The following ZNF124 variants were observed in gnomAD, a reference collection of about 807,000 sequenced individuals.
ZNF124 encodes the protein zinc finger protein HZF-16.
ZNF124 carries 25 observed loss-of-function variants against 26.6 expected under a neutral mutation model. The ratio of observed to expected loss-of-function variants is 0.94; its 90% CI spans 0.68 to 1.31. ZNF124 has a LOEUF of 1.31. Among genes scored for constraint, ZNF124 ranks in the 40% most tolerant of loss-of-function variants. ZNF124 has a pLI of 0.00. For missense variants in ZNF124, 444 were observed against 422.2 expected (o/e 1.05, Z -0.45); for synonymous variants, 129 against 133.3 (o/e 0.97, Z 0.22).
In ZNF124 at chr1:247,156,754, AG is replaced by A; in HGVS notation, c.867del (p.Tyr290MetfsTer80). The A allele has an allele frequency of 1.2e-6, 2 of 1,613,126 alleles. No individual in the cohort carries two copies. ...KHEKTHIAQKPYVCNNCGKGF... is the reference protein window; with the variant it reads ...KHEKTHIAQKXYVCNNCGKGF... Reference sequence around the variant, plus strand: ...CCTTTACCACAATTGTTACATACATAGGGTTTCTGTGCAATATGAGTTTTCT... The same window carrying A: ...CCTTTACCACAATTGTTACATACATAGGTTTCTGTGCAATATGAGTTTTCT... On this transcript the variant is annotated frameshift_variant, in exon 4 of 4. Coordinates refer to ENST00000543802, the MANE Select transcript of ZNF124 (RefSeq NM_001297568.2). LOFTEE classifies it high-confidence loss of function.
chr1:247,135,045 CCAATGAGAA>C (rs1672450774), intron 3 of ZNF124, among the ~76,000 whole-genome samples: 1 of 152,118 alleles, frequency 6.6e-6, no homozygotes, highest in East Asian at 1.9e-4. Flanking sequence ...TTCTTTGAAA[CCAATGAGAA>C]CAAAGAGACA....
At chr1:247,138,549 C>T in intron 3 of ZNF124, 1 of 378,650 alleles carries the variant, frequency 2.6e-6, no homozygotes, top group Non-Finnish European at 4.7e-6. Context: ...ACCCATGTAA[C>T]AAACTCACAT....
chr1:247,123,544 G>A (rs957279388), exon 4 of ZNF124: 5 of 324,086 alleles, frequency 1.5e-5, no homozygotes, highest in African/African-American at 6.4e-5. Flanking sequence ...CACACGTATC[G>A]AACATTGGTT....
At chr1:247,152,322 T>C (rs1672970148), downstream of ZNF124, among the ~76,000 whole-genome samples, 2 of 149,640 alleles carry the variant, frequency 1.3e-5, no homozygotes, top group South Asian at 2.1e-4. Flanking sequence ...TAAATAAATA[T>C]AATAAATAAC....
At chr1:247,135,334 T>TA (rs1672456233) in intron 3 of ZNF124, among the ~76,000 whole-genome samples, 2 of 151,648 alleles carry the variant, frequency 1.3e-5, no homozygotes, top group African/African-American at 4.8e-5. Flanking sequence ...AAAGATACAA[T>TA]AAAAAATGAT....
At chr1:247,162,514 G>C (rs758080643) in intron 1 of ZNF124, among the ~76,000 whole-genome samples, 1 of 150,320 alleles carries the variant, frequency 6.7e-6, no homozygotes, top group Non-Finnish European at 1.5e-5. Context: ...CTAGGTTTGC[G>C]TAAGTACACG....
At chr1:247,150,187 G>A (rs1318312373), downstream of ZNF124, among the ~76,000 whole-genome samples, 1 of 152,184 alleles carries the variant, frequency 6.6e-6, no homozygotes, top group Non-Finnish European at 1.5e-5. Context: ...ACCACACAAT[G>A]TGTATTTGGA....
At chr1:247,125,106 AT>A (rs141434247) in intron 3 of ZNF124, among the ~76,000 whole-genome samples, 14 of 152,224 alleles carry the variant, frequency 9.2e-5, no homozygotes, top group Non-Finnish European at 1.8e-4. Context: ...CCCGGCCTTC[AT>A]TCCTTCTTAT....
intron 3 of ZNF124, among the ~76,000 whole-genome samples, chr1:247,130,289 G>GT (rs1483048706): frequency 1.3e-5 from 2 of 152,180 alleles, no homozygotes; most frequent in Non-Finnish European, 2.9e-5. Context: ...AGGGAGTGTA[G>GT]TAAGTTTCAC....
intron 3 of ZNF124, among the ~76,000 whole-genome samples, chr1:247,128,206 A>T (rs1306958013): frequency 6.6e-6 from 1 of 152,076 alleles, no homozygotes; most frequent in Non-Finnish European, 1.5e-5. Context: ...GTTTCTGAAC[A>T]TTCCTTGTGA....
At chr1:247,141,165 GGGGAGT>G (rs1407303638) in intron 3 of ZNF124, among the ~76,000 whole-genome samples, 3 of 152,118 alleles carry the variant, frequency 2.0e-5, no homozygotes, top group African/African-American at 7.2e-5. Context: ...TGACAAGCAG[GGGGAGT>G]GGGTGGAACC....
At chr1:247,162,774 A>G (rs1204992410) in intron 1 of ZNF124, among the ~76,000 whole-genome samples, 1 of 152,180 alleles carries the variant, frequency 6.6e-6, no homozygotes, top group Non-Finnish European at 1.5e-5. Flanking sequence ...CCAACACAAG[A>G]GCACTCAGAT....
At chr1:247,141,963 T>C (rs1275206648) in intron 3 of ZNF124, among the ~76,000 whole-genome samples, 3 of 152,210 alleles carry the variant, frequency 2.0e-5, no homozygotes, top group Admixed American at 2.0e-4. Flanking sequence ...GCCTCTGTGC[T>C]GCAGTGCAGA....
At chr1:247,136,963 A>G (rs1359526161) in intron 3 of ZNF124, among the ~76,000 whole-genome samples, 1 of 151,686 alleles carries the variant, frequency 6.6e-6, no homozygotes, top group Non-Finnish European at 1.5e-5. Context: ...AAAAAAAATT[A>G]TATGGAGTCA....
chr1:247,152,246 G>A (rs1672967551), downstream of ZNF124, among the ~76,000 whole-genome samples: 1 of 151,190 alleles, frequency 6.6e-6, no homozygotes, highest in East Asian at 1.9e-4. Context: ...TAAGTTGCTT[G>A]ACACTGCGAC....
At chr1:247,147,665 T>C (rs974626253) in intron 3 of ZNF124, among the ~76,000 whole-genome samples, 3 of 152,196 alleles carry the variant, frequency 2.0e-5, no homozygotes, top group African/African-American at 7.2e-5. Flanking sequence ...ACATTTTGCA[T>C]ATCAGAGTGT....
At chr1:247,148,864 G>A (rs1672854338) in intron 3 of ZNF124, among the ~76,000 whole-genome samples, 1 of 152,104 alleles carries the variant, frequency 6.6e-6, no homozygotes, top group Non-Finnish European at 1.5e-5. Context: ...CAGCTACTCT[G>A]GAGGCTGAGG....
downstream of ZNF124, among the ~76,000 whole-genome samples, chr1:247,154,585 A>G (rs1301173208): frequency 6.6e-6 from 1 of 152,232 alleles, no homozygotes; most frequent in Non-Finnish European, 1.5e-5. Context: ...TTCTTTCAAT[A>G]TAGATGCAAA....
chr1:247,133,022 T>C (rs549402979), intron 3 of ZNF124, among the ~76,000 whole-genome samples: 1 of 152,242 alleles, frequency 6.6e-6, no homozygotes, highest in South Asian at 2.1e-4. Context: ...CAAAAGGAAT[T>C]GCTAACTAGA....
Sources: gnomAD v4.1 joint callset for allele counts (sites outside exome capture counted in the v4.1 genomes callset) on GRCh38, gnomAD v4.1.1 for gene constraint, MANE v1.5 for transcripts, NCBI Gene and HGNC (gene_info 2026-07-23, HGNC 2026-07-21) for gene names.